SCN3A: variants seen among roughly 807,000 people sequenced by gnomAD.
SCN3A encodes sodium channel protein type 3 subunit alpha.
Under a neutral mutation model 187.6 loss-of-function variants are expected in SCN3A, and 60 were observed. The ratio of observed to expected loss-of-function variants is 0.32; its 90% CI spans 0.26 to 0.40. The LOEUF (loss-of-function observed/expected upper bound fraction) is 0.40, where lower values mean the gene tolerates loss of function less well. Among genes scored for constraint, SCN3A ranks in the 10% least tolerant of loss-of-function variants. SCN3A has a pLI of 1.00. For synonymous variants in SCN3A, 788 were observed against 829.2 expected, an observed-to-expected ratio of 0.95 and a Z score of 0.85; for missense variants, 1,601 against 2,428.2, an observed-to-expected ratio of 0.66 and a Z score of 7.16.
At position 165,130,072 on chromosome 2, in the gene SCN3A, G is replaced by T. The variant is rs1459719818; in HGVS notation, c.2790C>A (p.Phe930Leu). Reference protein sequence around the residue: ...TLPRWHMNDFFHSFLIVFRVL... With the variant: ...TLPRWHMNDFLHSFLIVFRVL... ...CGCGGAACACAATCAGGAAGGAGTGGAAGAAGTCGTTCATGTGCCACCGTG... is the reference window on the plus strand; with the variant it reads ...CGCGGAACACAATCAGGAAGGAGTGTAAGAAGTCGTTCATGTGCCACCGTG... Residue 930 changes from phenylalanine to leucine, a missense_variant, in exon 17 of 28, where the codon TTC (phenylalanine) becomes TTA (leucine). Around this residue, in one of 11 missense-constraint regions of SCN3A, gnomAD observed 91 missense variants for 207.0 expected, o/e 0.44. Coordinates refer to ENST00000283254, the MANE Select transcript of SCN3A (RefSeq NM_006922.4). 6.2e-7 allele frequency: 1 copy of T among 1,614,138 alleles called. No homozygotes were observed. Among genetic ancestry groups the T allele is most frequent in the Non-Finnish European group, 8.5e-7 (1 of 1,180,030 alleles).
intron 15 of SCN3A, among the ~76,000 whole-genome samples, chr2:165,132,935 GA>G (rs1293488388): frequency 1.3e-5 from 2 of 151,878 alleles, no homozygotes; most frequent in Non-Finnish European, 1.5e-5. Context: ...AAATTTACAA[GA>G]AAAAAACAAA....
intron 18 of SCN3A, among the ~76,000 whole-genome samples, chr2:165,120,504 A>G (rs763676913): frequency 6.6e-6 from 1 of 151,836 alleles, no homozygotes; most frequent in Non-Finnish European, 1.5e-5. Flanking sequence ...ATTTTCAATC[A>G]GCTATCAAAT....
In SCN3A at chr2:165,164,375, T is replaced by C. The variant is rs995894029; in HGVS notation, c.602+17A>G. ...TTTTCACTCCTTTGCGCTTATCAAA[T>C]TTTCAAAGTTACTCACGCCATCACA... is the stretch of plus-strand genomic sequence containing the variant. On this transcript the variant is annotated intron_variant, in intron 6 of 27. Transcript: ENST00000283254. 3 of 1,613,646 alleles carry C rather than the reference T, an allele frequency of 1.9e-6. No individual in the cohort carries two copies. Among genetic ancestry groups the C allele is most frequent in the Non-Finnish European group, 2.5e-6 (3 of 1,179,708 alleles).
chr2:165,124,284 A>G (rs1444666832), intron 18 of SCN3A, among the ~76,000 whole-genome samples: 3 of 152,160 alleles, frequency 2.0e-5, no homozygotes, highest in Non-Finnish European at 4.4e-5. Context: ...CATGATAATT[A>G]GCAGTCATTT....
At chr2:165,094,606 C>T (rs936836680) in intron 25 of SCN3A, 128 bp from the exon 26 acceptor site, 3 of 676,592 alleles carry the variant, frequency 4.4e-6, no homozygotes, top group Admixed American at 5.3e-5. Flanking sequence ...TACATTTATC[C>T]TGCTTTTCCC....
At chr2:165,199,785 A>G (rs577036262) in intron 1 of SCN3A, among the ~76,000 whole-genome samples, 2 of 152,098 alleles carry the variant, frequency 1.3e-5, no homozygotes, top group South Asian at 2.1e-4. Flanking sequence ...AAAGAGCAAG[A>G]TTTTATTTAT....
intron 15 of SCN3A, 137 bp downstream of exon 15, chr2:165,137,742 A>C (rs1264770524): frequency 4.1e-6 from 3 of 735,702 alleles, no homozygotes; most frequent in Non-Finnish European, 7.3e-6. Context: ...GATTCCCTGT[A>C]ATATTCCTTA....
intron 15 of SCN3A, among the ~76,000 whole-genome samples, chr2:165,135,756 A>G (rs1367948013): frequency 6.6e-6 from 1 of 152,132 alleles, no homozygotes; most frequent in African/African-American, 2.4e-5. Flanking sequence ...TTGATATGTT[A>G]ATCATTATAG....
chr2:165,128,426 CGAGAGA>C (rs35511955), intron 17 of SCN3A, among the ~76,000 whole-genome samples: 8 of 141,196 alleles, frequency 5.7e-5, no homozygotes, highest in Admixed American at 3.4e-4. Flanking sequence ...ATTCTGCCAA[CGAGAGA>C]GAGAGAGAGA....
intron 9 of SCN3A, among the ~76,000 whole-genome samples, chr2:165,160,626 T>C (rs1335405599): frequency 6.6e-6 from 1 of 150,412 alleles, no homozygotes; most frequent in Non-Finnish European, 1.5e-5. Context: ...AGAGTGTGCT[T>C]TTTTTTTAAA....
chr2:165,155,406 C>A (rs1260888539), intron 10 of SCN3A, among the ~76,000 whole-genome samples: 1 of 151,158 alleles, frequency 6.6e-6, no homozygotes, highest in Non-Finnish European at 1.5e-5. Context: ...TTCCCTTTCC[C>A]TTTCTTTTTT....
intron 2 of SCN3A, chr2:165,179,791 T>G (rs1024820611): frequency 1.3e-5 from 2 of 152,184 alleles, no homozygotes; most frequent in African/African-American, 4.8e-5. Flanking sequence ...ATTTTGCTGT[T>G]TGGAAATCCC....
At chr2:165,199,033 AG>A (rs1349557148) in intron 1 of SCN3A, among the ~76,000 whole-genome samples, 5 of 152,074 alleles carry the variant, frequency 3.3e-5, no homozygotes, top group Non-Finnish European at 7.4e-5. Context: ...ATTGGAATTT[AG>A]TGAATTATTC....
At chr2:165,099,741 C>A (rs965299794) in intron 22 of SCN3A, among the ~76,000 whole-genome samples, 1 of 151,920 alleles carries the variant, frequency 6.6e-6, no homozygotes, top group Non-Finnish European at 1.5e-5. Flanking sequence ...AACAAAAAAA[C>A]CAAAAAACTC....
Position 165,091,315 on chromosome 2 carries a change from T to C in SCN3A, c.4838A>G (p.Tyr1613Cys). Residue 1613 changes from tyrosine to cysteine, a missense_variant, in exon 28 of 28, where the codon TAT becomes TGT. Physicochemically the swap from Tyr to Cys is radical, Grantham distance 194. Transcript: ENST00000283254. The stretch of plus-strand genomic sequence containing the variant: ...TCGGAACAAGGTAGGGGACACAAAA[T>C]ACTTTTCTATCATCTCAGCCAGAAA... The part of the protein sequence containing the change: ...GMFLAEMIEK[Y>C]FVSPTLFRVI... 6.2e-7 allele frequency: 1 copy of C among 1,614,048 alleles called. No individual in the cohort carries two copies. The highest frequency in any genetic ancestry group is 8.5e-7 in the Non-Finnish European group (1 of 1,179,948).
chr2:165,139,837 C>A, intron 13 of SCN3A: 1 of 516,130 alleles, frequency 1.9e-6, no homozygotes, highest in East Asian at 3.6e-5. Context: ...TTTTATAACA[C>A]AATTATATTA....
At position 165,097,072 on chromosome 2, in the gene SCN3A, T is replaced by C. The variant is rs1439993; in HGVS notation, c.4239+180A>G. Among the ~76,000 whole-genome samples, 26,579 of 151,938 alleles carry C rather than the reference T, an allele frequency of 0.17. 2,685 individuals carry two copies. The highest frequency in any genetic ancestry group is 0.27 in the South Asian group (1,307 of 4,812). On this transcript the variant is annotated intron_variant, in intron 23 of 27. Coordinates refer to ENST00000283254, the MANE Select transcript of SCN3A (RefSeq NM_006922.4). ...ACTAAAAGCTTAACACTAAGGAAAA[T>C]ACATTATAAAATAATTGTAACATCT... is the stretch of plus-strand genomic sequence containing the variant.
rs769458126 is a variant in SCN3A, at chr2:165,131,225, G to C, written c.2565+19C>G. On this transcript the variant is annotated intron_variant, in intron 16 of 27. Transcript: ENST00000283254. Reference sequence around the variant, plus strand: ...AAATGTTGTGCCAATGAGCGACAGGGATATATATAAATAGATACCAGTCTG... The same window carrying C: ...AAATGTTGTGCCAATGAGCGACAGGCATATATATAAATAGATACCAGTCTG... 2.6e-5 allele frequency: 39 copies of C among 1,514,878 alleles called. No individual in the cohort carries two copies. The highest frequency in any genetic ancestry group is 5.5e-5 in the Admixed American group (3 of 54,574). 93.8% of individuals were successfully genotyped at this position (1,514,878 alleles called of 1,614,324 possible). A position where few individuals can be genotyped will look rare whatever the true frequency, so the allele number is the denominator to read the frequency against.
chr2:165,095,066 T>TAA (rs570236709), intron 25 of SCN3A, among the ~76,000 whole-genome samples: 2 of 151,078 alleles, frequency 1.3e-5, no homozygotes, highest in South Asian at 4.2e-4. Context: ...CATTCCAGGA[T>TAA]AAAAAAAAAT....
Sources: gnomAD v4.1 joint callset for allele counts (sites outside exome capture counted in the v4.1 genomes callset) on GRCh38, gnomAD v4.1.1 for gene constraint, gnomAD v4.1.1 regional missense constraint, MANE v1.5 for transcripts, NCBI Gene and HGNC (gene_info 2026-07-23, HGNC 2026-07-21) for gene names.